NRXN1: variants seen among roughly 807,000 people sequenced by gnomAD.
NRXN1 encodes neurexin 1.
Under a neutral mutation model 150.9 loss-of-function variants are expected in NRXN1, and 39 were observed. That is an observed-to-expected ratio of 0.26 (90% CI 0.20 to 0.34). NRXN1 has a LOEUF of 0.34. Ranked by LOEUF, NRXN1 falls within the 10% of genes least tolerant of loss-of-function variation. The pLI, the probability that NRXN1 is intolerant of heterozygous loss-of-function variation, is 1.00. For missense variants in NRXN1, 1,815 were observed against 1,949.9 expected (o/e 0.93, Z 1.30); for synonymous variants, 924 against 757.0 (o/e 1.22, Z -3.62).
intron 5 of NRXN1, among the ~76,000 whole-genome samples, chr2:50,805,152 T>C (rs115438760): frequency 9.6e-4 from 146 of 152,242 alleles, no homozygotes; most frequent in African/African-American, 3.4e-3. Flanking sequence ...AAATGTATCT[T>C]TCATTGAATT....
chr2:50,157,660 T>C lies in NRXN1; in HGVS notation c.3547-66166A>G, dbSNP rs935773859. ...TGAAGCAGGGGAAAGGCTAGTAAGA[T>C]AGACGAAATGTTGTCCAGCAGCAGA... On this transcript the variant is annotated intron_variant, in intron 18 of 22. Transcript: ENST00000401669. Among the ~76,000 whole-genome samples, 5 of 152,106 alleles carry C rather than the reference T, an allele frequency of 3.3e-5. No homozygotes were observed. In the East Asian group the frequency reaches 5.8e-4, roughly 18 times the overall value.
intron 16 of NRXN1, among the ~76,000 whole-genome samples, chr2:50,468,514 A>G (rs2089150581): frequency 6.6e-6 from 1 of 151,622 alleles, no homozygotes; most frequent in Non-Finnish European, 1.5e-5. Flanking sequence ...GTTATGTAAT[A>G]TTATCTTTAT....
chr2:50,308,776 T>C (rs1374046231), intron 17 of NRXN1, among the ~76,000 whole-genome samples: 3 of 152,206 alleles, frequency 2.0e-5, no homozygotes, highest in Non-Finnish European at 4.4e-5. Flanking sequence ...ACAGGCATCA[T>C]ACATGATGCT....
rs71404969 is a variant in NRXN1, at chr2:50,610,642, CATATATATATATATATATATAT to C, written c.1320+9358_1320+9379del. Among the ~76,000 whole-genome samples, 27 of 42,876 alleles carry C rather than the reference CATATATATATATATATATATAT, an allele frequency of 6.3e-4. 1 individual carries two copies. The highest frequency in any genetic ancestry group is 4.7e-3 in the East Asian group (7 of 1,496). The allele number at this position is 42,876 out of a possible 152,430, so 28.1% of individuals were successfully genotyped here. A position where few individuals can be genotyped will look rare whatever the true frequency, so the allele number is the denominator to read the frequency against. ...GCCTGGCACATACTATAAATAGATA[CATATATATATATATATATATAT>C]ATATATATATATATCTGTACAAAAC... On this transcript the variant is annotated intron_variant, in intron 8 of 22. Transcript: ENST00000401669.
At chr2:49,968,249 G>C (rs1677303914) in intron 21 of NRXN1, among the ~76,000 whole-genome samples, 1 of 152,026 alleles carries the variant, frequency 6.6e-6, no homozygotes, top group Non-Finnish European at 1.5e-5. Context: ...AAGGGTCTGA[G>C]ACAGTTATGC....
At chr2:50,602,296 A>G (rs1559002788) in intron 8 of NRXN1, among the ~76,000 whole-genome samples, 1 of 152,158 alleles carries the variant, frequency 6.6e-6, no homozygotes, top group Non-Finnish European at 1.5e-5. Context: ...GATAAATGGA[A>G]AAAAGAGGGT....
chr2:50,218,539 T>C (rs141608736), intron 18 of NRXN1, among the ~76,000 whole-genome samples: 11 of 151,562 alleles, frequency 7.3e-5, no homozygotes, highest in African/African-American at 2.7e-4. Context: ...TTTGGTAAAC[T>C]TCATATTTAG....
intron 5 of NRXN1, among the ~76,000 whole-genome samples, chr2:50,903,157 G>A (rs1683181035): frequency 6.6e-6 from 1 of 152,164 alleles, no homozygotes; most frequent in South Asian, 2.1e-4. Flanking sequence ...TTTAGACAGG[G>A]CCAGAACTTT....
At chr2:50,959,099 TAAC>T (rs1692735170) in intron 2 of NRXN1, among the ~76,000 whole-genome samples, 1 of 152,104 alleles carries the variant, frequency 6.6e-6, no homozygotes, top group Non-Finnish European at 1.5e-5. Flanking sequence ...AAACAGACAA[TAAC>T]AAGTGTCGGT....
At chr2:50,345,559 G>A (rs192397228) in intron 17 of NRXN1, among the ~76,000 whole-genome samples, 46 of 152,280 alleles carry the variant, frequency 3.0e-4, no homozygotes, top group African/African-American at 1.1e-3. Context: ...TTTACACCGG[G>A]GTAGAATAAA....
chr2:50,344,624 G>A (rs1040095777), intron 17 of NRXN1, among the ~76,000 whole-genome samples: 2 of 152,148 alleles, frequency 1.3e-5, no homozygotes, highest in African/African-American at 4.8e-5. Context: ...TTCACATGCA[G>A]AGACAATCAC....
At chr2:50,714,827 G>A (rs1264534948) in intron 5 of NRXN1, among the ~76,000 whole-genome samples, 1 of 152,126 alleles carries the variant, frequency 6.6e-6, no homozygotes, top group Non-Finnish European at 1.5e-5. Flanking sequence ...AGGATAATGG[G>A]CAGATCATTC....
intron 15 of NRXN1, among the ~76,000 whole-genome samples, chr2:50,487,919 C>G (rs546898223): frequency 2.0e-5 from 3 of 152,238 alleles, no homozygotes; most frequent in African/African-American, 7.2e-5. Flanking sequence ...TCCTGGGAAC[C>G]TCTGACTATT....
chr2:50,577,793 C>T (rs1032775273), intron 8 of NRXN1, among the ~76,000 whole-genome samples: 10 of 151,716 alleles, frequency 6.6e-5, no homozygotes, highest in Non-Finnish European at 1.5e-4. Context: ...CATAGCAATC[C>T]AGAATAGTGA....
At chr2:50,206,883 TACAC>T (rs367944282) in intron 18 of NRXN1, among the ~76,000 whole-genome samples, 11 of 149,668 alleles carry the variant, frequency 7.3e-5, no homozygotes, top group East Asian at 4.0e-4. Flanking sequence ...AAATGGGCAG[TACAC>T]ACACACACAC....
chr2:50,901,362 A>T (rs983109412), intron 5 of NRXN1, among the ~76,000 whole-genome samples: 4 of 151,932 alleles, frequency 2.6e-5, no homozygotes, highest in African/African-American at 9.7e-5. Flanking sequence ...GGTGAAAACC[A>T]GTCTCTACTA....
At chr2:50,595,538 A>T (rs1163217686) in intron 8 of NRXN1, among the ~76,000 whole-genome samples, 1 of 152,146 alleles carries the variant, frequency 6.6e-6, no homozygotes, top group Non-Finnish European at 1.5e-5. Flanking sequence ...TAACATTTAT[A>T]GCATTGCAAA....
chr2:50,178,835 C>G (rs1245992681), intron 18 of NRXN1, among the ~76,000 whole-genome samples: 1 of 152,076 alleles, frequency 6.6e-6, no homozygotes, highest in Non-Finnish European at 1.5e-5. Flanking sequence ...TAGCTTGTAG[C>G]TGCCAAAGAC....
intron 2 of NRXN1, among the ~76,000 whole-genome samples, chr2:50,946,068 C>T (rs1458346461): frequency 1.3e-5 from 2 of 151,700 alleles, no homozygotes; most frequent in African/African-American, 4.8e-5. Context: ...CAGAGCTGAT[C>T]CAGTAATGCT....
Sources: allele counts gnomAD v4.1 joint callset (sites outside exome capture counted in the v4.1 genomes callset), GRCh38; gene constraint gnomAD v4.1.1; transcripts MANE v1.5; gene names NCBI Gene and HGNC (gene_info 2026-07-23, HGNC 2026-07-21).